ATOSA: variants seen among roughly 807,000 people sequenced by gnomAD.
ATOSA encodes the protein atos homolog protein A.
At chr15:52,608,255 A>T in the ATOSA span, among the ~76,000 whole-genome samples, 7 of 152,190 alleles carry the variant, frequency 4.6e-5, no homozygotes, top group Admixed American at 6.5e-5. Flanking sequence ...GAACAGAGCT[A>T]AAAGACCTAA....
At chr15:52,631,933 G>T in the ATOSA span, among the ~76,000 whole-genome samples, 1 of 152,014 alleles carries the variant, frequency 6.6e-6, no homozygotes, top group African/African-American at 2.4e-5. Flanking sequence ...AGAGACAGGA[G>T]CCTTGCTATG....
chr15:52,610,309 T>G, the ATOSA span: 6 of 1,613,956 alleles, frequency 3.7e-6, no homozygotes, highest in East Asian at 1.1e-4. Flanking sequence ...GTGAGAAACA[T>G]TGGGAACAGG....
chr15:52,611,017 C>T, the ATOSA span: 1 of 1,227,854 alleles, frequency 8.1e-7, no homozygotes, highest in South Asian at 1.9e-5. Context: ...TAAATTTTAT[C>T]CACTTACATT....
At chr15:52,676,169 TAA>T in the ATOSA span, among the ~76,000 whole-genome samples, 1 of 152,124 alleles carries the variant, frequency 6.6e-6, no homozygotes, top group Non-Finnish European at 1.5e-5. Context: ...TGATTACAAC[TAA>T]AAATATTTTG....
the ATOSA span, among the ~76,000 whole-genome samples, chr15:52,706,785 C>T: frequency 6.6e-6 from 1 of 152,020 alleles, no homozygotes; most frequent in African/African-American, 2.4e-5. Flanking sequence ...AAACATCATG[C>T]CAAGTACAAG....
chr15:52,644,215 G>A, the ATOSA span, among the ~76,000 whole-genome samples: 3 of 151,884 alleles, frequency 2.0e-5, no homozygotes, highest in Non-Finnish European at 4.4e-5. Context: ...GAGTCACTGC[G>A]CCTGGCCTAC....
At chr15:52,643,676 G>A in the ATOSA span, among the ~76,000 whole-genome samples, 3 of 151,422 alleles carry the variant, frequency 2.0e-5, no homozygotes, top group Admixed American at 6.6e-5. Context: ...AACACTTTGA[G>A]AGGCCGAGGC....
chr15:52,604,809 T>C, the ATOSA span, among the ~76,000 whole-genome samples: 1 of 152,204 alleles, frequency 6.6e-6, no homozygotes, highest in Non-Finnish European at 1.5e-5. Context: ...TAGTTTTAAC[T>C]TGCAGATGAC....
the ATOSA span, among the ~76,000 whole-genome samples, chr15:52,690,117 T>A: frequency 2.6e-5 from 4 of 152,372 alleles, no homozygotes; most frequent in South Asian, 8.3e-4. Context: ...CTTGAAAATA[T>A]CTAATACAAT....
At chr15:52,584,645 CA>C in the ATOSA span, 28 of 1,030,166 alleles carry the variant, frequency 2.7e-5, no homozygotes, top group Non-Finnish European at 3.7e-5. Flanking sequence ...AGCAAAGTCC[CA>C]AGGGACACTG....
the ATOSA span, among the ~76,000 whole-genome samples, chr15:52,631,543 T>C: frequency 6.6e-6 from 1 of 152,192 alleles, no homozygotes; most frequent in Non-Finnish European, 1.5e-5. Flanking sequence ...TAAATCCAAG[T>C]AATAGGACAA....
the ATOSA span, among the ~76,000 whole-genome samples, chr15:52,669,318 T>C: frequency 6.6e-6 from 1 of 152,240 alleles, no homozygotes; most frequent in Non-Finnish European, 1.5e-5. Context: ...ATTTTTTGTA[T>C]ATCAGCATCC....
chr15:52,633,774 T>C, the ATOSA span, among the ~76,000 whole-genome samples: 8 of 152,192 alleles, frequency 5.3e-5, no homozygotes, highest in African/African-American at 1.9e-4. Flanking sequence ...TGAGAATCTA[T>C]ATCTATACAA....
the ATOSA span, among the ~76,000 whole-genome samples, chr15:52,673,206 A>G: frequency 6.6e-6 from 1 of 152,202 alleles, no homozygotes; most frequent in South Asian, 2.1e-4. Flanking sequence ...CTGAGGTACT[A>G]TTACTTTCCC....
the ATOSA span, chr15:52,678,338 T>G: frequency 1.9e-6 from 1 of 531,484 alleles, no homozygotes; most frequent in Admixed American, 3.1e-5. Flanking sequence ...CAATGTGTCC[T>G]TCTGACACAG....
At chr15:52,648,157 TAAG>T in the ATOSA span, among the ~76,000 whole-genome samples, 4 of 152,290 alleles carry the variant, frequency 2.6e-5, no homozygotes, top group African/African-American at 7.2e-5. Context: ...AGCTAATTAA[TAAG>T]TAGTAATGAA....
At chr15:52,692,436 A>C in the ATOSA span, among the ~76,000 whole-genome samples, 1 of 151,822 alleles carries the variant, frequency 6.6e-6, no homozygotes, top group African/African-American at 2.4e-5. Context: ...TGCTTACTGC[A>C]ACCTCTGCTT....
the ATOSA span, among the ~76,000 whole-genome samples, chr15:52,589,351 CTAAA>C: frequency 6.6e-6 from 1 of 151,740 alleles, no homozygotes; most frequent in African/African-American, 2.4e-5. Context: ...TAAAATATAC[CTAAA>C]TAATAGCTAT....
the ATOSA span, among the ~76,000 whole-genome samples, chr15:52,660,899 C>T: frequency 6.6e-6 from 1 of 152,174 alleles, no homozygotes; most frequent in Non-Finnish European, 1.5e-5. Flanking sequence ...GGTGATCCAC[C>T]CGCCTTGGTC....
Sources: allele counts gnomAD v4.1 joint callset (sites outside exome capture counted in the v4.1 genomes callset), GRCh38; gene constraint gnomAD v4.1.1; transcripts MANE v1.5; gene names NCBI Gene and HGNC (gene_info 2026-07-23, HGNC 2026-07-21).